Variants in CLOCK observed in about 807,000 individuals in gnomAD.
The protein encoded by CLOCK is circadian locomoter output cycles protein kaput.
A neutral mutation model predicts 118.4 loss-of-function variants in CLOCK; 43 were observed. The ratio of observed to expected loss-of-function variants is 0.36; its 90% CI spans 0.28 to 0.47. The LOEUF (loss-of-function observed/expected upper bound fraction) is 0.47, where lower values mean the gene tolerates loss of function less well. CLOCK is among the 20% of genes least tolerant of loss of function. CLOCK has a pLI of 1.00. For missense variants in CLOCK, 846 were observed against 999.9 expected (o/e 0.85, Z 2.08); for synonymous variants, 326 against 339.2 (o/e 0.96, Z 0.43).
chr4:55,475,431 G>A (rs747699725), intron 7 of CLOCK, among the ~76,000 whole-genome samples: 3 of 152,200 alleles, frequency 2.0e-5, no homozygotes, highest in Non-Finnish European at 4.4e-5. Flanking sequence ...CATAAATTTA[G>A]TTGATAGAGC....
intron 3 of CLOCK, among the ~76,000 whole-genome samples, chr4:55,484,099 TGAAAG>T (rs1388864372): frequency 2.0e-5 from 3 of 152,132 alleles, no homozygotes; most frequent in Non-Finnish European, 4.4e-5. Flanking sequence ...TGCACCTTCA[TGAAAG>T]GAAAGGAGAA....
chr4:55,525,008 A>C (rs1319959464), intron 1 of CLOCK, among the ~76,000 whole-genome samples: 1 of 152,074 alleles, frequency 6.6e-6, no homozygotes, highest in African/African-American at 2.4e-5. Flanking sequence ...TCATTTTTCC[A>C]TTTTCATATT....
rs932533122 is a variant in CLOCK at position 55,427,913 on chromosome 4, T to C, written c.*7502A>G. 2 of 152,220 alleles carry C rather than the reference T, an allele frequency of 1.3e-5. No individual in the cohort carries two copies. Among genetic ancestry groups the C allele is most frequent in the Non-Finnish European group, 2.9e-5 (2 of 68,032 alleles). The allele number at this position is 152,220 out of a possible 1,614,324, so 9.4% of individuals were successfully genotyped here. A position where few individuals can be genotyped will look rare whatever the true frequency, so the allele number is the denominator to read the frequency against. Reference sequence around the variant, plus strand: ...GAAAGGGAAATGTCATTGATAGTGATCTTAAAATATTTAATAGTCTTTCTT... The same window carrying C: ...GAAAGGGAAATGTCATTGATAGTGACCTTAAAATATTTAATAGTCTTTCTT... On this transcript the variant is annotated 3_prime_UTR_variant, in exon 23 of 23. Transcript: ENST00000513440.
At chr4:55,478,705 G>A in intron 6 of CLOCK, 110 bp downstream of exon 6, 1 of 1,063,148 alleles carries the variant, frequency 9.4e-7, no homozygotes, top group Non-Finnish European at 1.4e-6. Flanking sequence ...AAATGCAATT[G>A]ATTTCTCTCT....
chr4:55,463,064 T>C (rs1176458910), intron 9 of CLOCK, among the ~76,000 whole-genome samples: 1 of 152,130 alleles, frequency 6.6e-6, no homozygotes, highest in Non-Finnish European at 1.5e-5. Context: ...ATGAAGAAAA[T>C]GAGGTACTCC....
At chr4:55,479,522 T>G (rs1353726710) in intron 5 of CLOCK, 118 bp downstream of exon 5, 2 of 790,836 alleles carry the variant, frequency 2.5e-6, no homozygotes, top group African/African-American at 1.7e-5. Context: ...TCCACCTTGC[T>G]AATATATCTA....
At chr4:55,519,231 G>GT (rs761941464) in intron 1 of CLOCK, among the ~76,000 whole-genome samples, 109 of 152,082 alleles carry the variant, frequency 7.2e-4, no homozygotes, top group Non-Finnish European at 1.2e-3. Flanking sequence ...TTTAAAAAAA[G>GT]TTTTTTGTAA....
chr4:55,502,564 G>GT (rs1431988459), intron 2 of CLOCK, among the ~76,000 whole-genome samples: 1 of 152,144 alleles, frequency 6.6e-6, no homozygotes, highest in African/African-American at 2.4e-5. Context: ...TGCAATAGTT[G>GT]TAACAGTCAA....
Position 55,459,164 on chromosome 4 carries a change from G to C in CLOCK, c.657C>G (p.Phe219Leu), listed in dbSNP as rs1455079663. 3.8e-6 allele frequency: 6 copies of C among 1,594,288 alleles called. No homozygotes were observed. The highest frequency in any genetic ancestry group is 5.2e-6 in the Non-Finnish European group (6 of 1,162,106). ...TYEYVKFIGNFKSLNSVSSSA... is the reference protein window; with the variant it reads ...TYEYVKFIGNLKSLNSVSSSA... The stretch of plus-strand genomic sequence containing the variant: ...TTAACTCACCACTGTTTAAAGATTT[G>C]AAATTTCCTATAAATTTTACATATT... Residue 219 changes from phenylalanine to leucine, a missense_variant, in exon 10 of 23, where the codon TTC becomes TTG. By Grantham distance (22) the Phe-to-Leu change is conservative (BLOSUM62 0). Transcript: ENST00000513440.
At chr4:55,441,590 T>TGGAGCTGGAGGCC (rs1192421255) in intron 21 of CLOCK, among the ~76,000 whole-genome samples, 2 of 152,166 alleles carry the variant, frequency 1.3e-5, no homozygotes, top group Non-Finnish European at 2.9e-5. Context: ...GCAACTTGGA[T>TGGAGCTGGAGGCC]GGAGCTGGAG....
chr4:55,445,738 GCAC>G (rs1445228833), intron 18 of CLOCK, among the ~76,000 whole-genome samples: 4 of 149,980 alleles, frequency 2.7e-5, no homozygotes, highest in Non-Finnish European at 5.9e-5. Flanking sequence ...CTACAGGCAT[GCAC>G]CACCACACCT....
intron 17 of CLOCK, 93 bp from the exon 18 acceptor site, chr4:55,448,961 A>G: frequency 2.0e-6 from 2 of 1,013,526 alleles, no homozygotes; most frequent in Non-Finnish European, 3.0e-6. Context: ...CGTATTAATA[A>G]ACTTACCATT....
At chr4:55,437,931 G>A (rs750532952) in intron 22 of CLOCK, among the ~76,000 whole-genome samples, 5 of 152,276 alleles carry the variant, frequency 3.3e-5, no homozygotes, top group Non-Finnish European at 7.4e-5. Context: ...GCTCTGTACA[G>A]AGCAGAGTTT....
rs1731674281 is a variant in CLOCK, at chr4:55,546,861, G to GC, written c.-370dup. 6.6e-6 allele frequency: 1 copy of GC among 152,082 alleles called. No individual in the cohort carries two copies. Among genetic ancestry groups the GC allele is most frequent in the Non-Finnish European group, 1.5e-5 (1 of 68,016 alleles). The allele number at this position is 152,082 out of a possible 1,614,324, so 9.4% of individuals were successfully genotyped here. On this transcript the variant is annotated 5_prime_UTR_variant, in exon 1 of 23. It introduces an in-frame stop codon into an upstream open reading frame of the 5' UTR. Coordinates refer to ENST00000513440, the MANE Select transcript of CLOCK (RefSeq NM_004898.4). ...GGTTTCCTTTTTTAAACCGGCAGCC[G>GC]CAAGCCGAGTCCGTGATTGCGCCCC...
chr4:55,536,550 G>A (rs1233604935), intron 1 of CLOCK, among the ~76,000 whole-genome samples: 1 of 152,084 alleles, frequency 6.6e-6, no homozygotes, highest in African/African-American at 2.4e-5. Flanking sequence ...GCCTTGTCAT[G>A]CACCTGCTCT....
intron 8 of CLOCK, among the ~76,000 whole-genome samples, chr4:55,468,754 T>A (rs1309285065): frequency 6.6e-6 from 1 of 152,240 alleles, no homozygotes; most frequent in Non-Finnish European, 1.5e-5. Context: ...CGCTAAAAAG[T>A]TAGCATTAGA....
intron 2 of CLOCK, among the ~76,000 whole-genome samples, chr4:55,499,747 T>C (rs143737716): frequency 1.7e-4 from 26 of 152,368 alleles, no homozygotes; most frequent in Middle Eastern, 3.4e-3. Flanking sequence ...ACTCTGGGAT[T>C]TGAGCAGTGG....
chr4:55,505,065 C>T (rs1292093272), intron 2 of CLOCK, among the ~76,000 whole-genome samples: 2 of 151,690 alleles, frequency 1.3e-5, no homozygotes, highest in African/African-American at 4.8e-5. Flanking sequence ...CACCTGTAGT[C>T]CCAGCTACTC....
intron 21 of CLOCK, among the ~76,000 whole-genome samples, chr4:55,439,467 A>G (rs1248085367): frequency 2.0e-5 from 3 of 152,180 alleles, no homozygotes; most frequent in African/African-American, 7.2e-5. Context: ...GTTCCTCAAA[A>G]AATTCACTAT....
Sources: allele counts gnomAD v4.1 joint callset (sites outside exome capture counted in the v4.1 genomes callset), GRCh38; gene constraint gnomAD v4.1.1; transcripts MANE v1.5; gene names NCBI Gene and HGNC (gene_info 2026-07-23, HGNC 2026-07-21).